CSMD1: variants seen among roughly 807,000 people sequenced by gnomAD.
CSMD1 encodes CUB and sushi domain-containing protein 1.
CSMD1 carries 213 observed loss-of-function variants against 417.5 expected under a neutral mutation model. The ratio of observed to expected loss-of-function variants is 0.51; its 90% CI spans 0.46 to 0.57. The LOEUF (loss-of-function observed/expected upper bound fraction) is 0.57, where lower values mean the gene tolerates loss of function less well. CSMD1 is among the 20% of genes least tolerant of loss of function. The pLI, the probability that CSMD1 is intolerant of heterozygous loss-of-function variation, is 0.00. For missense variants in CSMD1, 6,923 were observed against 4,529.7 expected, an observed-to-expected ratio of 1.53 and a Z score of -15.17; for synonymous variants, 2,862 against 1,736.8, an observed-to-expected ratio of 1.65 and a Z score of -16.11.
intron 26 of CSMD1, 115 bp downstream of exon 26, chr8:3,284,029 G>A: frequency 1.1e-6 from 1 of 898,458 alleles, no homozygotes; most frequent in Non-Finnish European, 1.7e-6. Context: ...TTCAAATTAG[G>A]CTCAATAAAT....
intron 2 of CSMD1, among the ~76,000 whole-genome samples, chr8:4,434,691 G>C (rs938470032): frequency 3.3e-5 from 5 of 152,140 alleles, no homozygotes; most frequent in Non-Finnish European, 7.4e-5. Flanking sequence ...AAGGAACAAA[G>C]AGTAACAAAT....
intron 2 of CSMD1, among the ~76,000 whole-genome samples, chr8:4,514,717 T>C (rs1408328371): frequency 6.6e-6 from 1 of 152,168 alleles, no homozygotes; most frequent in African/African-American, 2.4e-5. Flanking sequence ...AAATTAAACC[T>C]GCTATTAGTA....
chr8:3,289,702 G>C (rs1584937600), intron 25 of CSMD1, among the ~76,000 whole-genome samples: 1 of 147,268 alleles, frequency 6.8e-6, no homozygotes, highest in East Asian at 2.0e-4. Context: ...ATTTGTTGGA[G>C]TTCATTGTAG....
chr8:4,413,330 G>T (rs759408172), intron 3 of CSMD1, among the ~76,000 whole-genome samples: 1 of 152,090 alleles, frequency 6.6e-6, no homozygotes, highest in Non-Finnish European at 1.5e-5. Flanking sequence ...TCGTGGGGCT[G>T]CCCAAACCAA....
At chr8:3,287,334 T>G (rs1019914371) in intron 25 of CSMD1, among the ~76,000 whole-genome samples, 2 of 152,140 alleles carry the variant, frequency 1.3e-5, no homozygotes, top group East Asian at 1.9e-4. Context: ...TCTAATTCTG[T>G]GAAGAAAGTC....
chr8:4,472,555 G>A (rs938034003), intron 2 of CSMD1, among the ~76,000 whole-genome samples: 1 of 151,938 alleles, frequency 6.6e-6, no homozygotes, highest in African/African-American at 2.4e-5. Context: ...ATATTCCAAA[G>A]AATAGCTATT....
chr8:4,543,805 C>T (rs1257195414), intron 2 of CSMD1, among the ~76,000 whole-genome samples: 1 of 149,680 alleles, frequency 6.7e-6, no homozygotes, highest in Non-Finnish European at 1.5e-5. Context: ...TTGATGTCAA[C>T]ATTTTGAATT....
At chr8:3,392,804 A>C (rs1330621519) in intron 17 of CSMD1, among the ~76,000 whole-genome samples, 1 of 152,068 alleles carries the variant, frequency 6.6e-6, no homozygotes, top group Non-Finnish European at 1.5e-5. Context: ...GTAAACGGGG[A>C]CACCCTCTGA....
intron 1 of CSMD1, among the ~76,000 whole-genome samples, chr8:4,959,712 C>G (rs995729579): frequency 6.6e-6 from 1 of 152,200 alleles, no homozygotes. Flanking sequence ...TCTCAGTTCA[C>G]GGAATGTCAA....
intron 2 of CSMD1, among the ~76,000 whole-genome samples, chr8:4,449,772 G>A (rs1418756397): frequency 4.6e-5 from 7 of 152,046 alleles, no homozygotes; most frequent in Non-Finnish European, 8.8e-5. Flanking sequence ...GCAGTTGGGA[G>A]CAGCTATGTT....
At position 4,397,294 on chromosome 8, in the gene CSMD1, T is replaced by C. The variant is rs551852670; in HGVS notation, c.415+22659A>G. Among the ~76,000 whole-genome samples, 297 of 152,274 alleles carry C rather than the reference T, an allele frequency of 2.0e-3. 1 individual carries two copies. Among genetic ancestry groups the C allele is most frequent in the African/African-American group, 6.8e-3 (281 of 41,558 alleles). The stretch of plus-strand genomic sequence containing the variant: ...GAGCATTAGTTACCTAAGCAGAACA[T>C]TGTTTTCTAATTTTAAATGTATAAG... On this transcript the variant is annotated intron_variant, in intron 3 of 69. Coordinates refer to ENST00000635120, the MANE Select transcript of CSMD1 (RefSeq NM_033225.6).
At chr8:4,880,817 T>A (rs1289120424) in intron 1 of CSMD1, among the ~76,000 whole-genome samples, 2 of 152,150 alleles carry the variant, frequency 1.3e-5, no homozygotes, top group Non-Finnish European at 2.9e-5. Flanking sequence ...AAGTTTTCAC[T>A]TTTGTTGTCA....
At chr8:3,341,845 G>A (rs1312968760) in intron 23 of CSMD1, among the ~76,000 whole-genome samples, 1 of 152,072 alleles carries the variant, frequency 6.6e-6, no homozygotes, top group Non-Finnish European at 1.5e-5. Context: ...CTAGTGTAGG[G>A]GCAAGGAAGC....
At chr8:3,664,829 T>G (rs1207078366) in intron 7 of CSMD1, among the ~76,000 whole-genome samples, 2 of 152,148 alleles carry the variant, frequency 1.3e-5, no homozygotes, top group African/African-American at 4.8e-5. Flanking sequence ...TTAAAATAGC[T>G]AAAAGTTTAG....
At chr8:3,359,050 C>G in intron 21 of CSMD1, 102 bp downstream of exon 21, 1 of 1,094,606 alleles carries the variant, frequency 9.1e-7, no homozygotes, top group Non-Finnish European at 1.4e-6. Context: ...CCTCTCCTTC[C>G]TTGTCAACAA....
intron 2 of CSMD1, among the ~76,000 whole-genome samples, chr8:4,607,607 T>C (rs543516656): frequency 3.3e-5 from 5 of 152,218 alleles, no homozygotes; most frequent in Middle Eastern, 3.4e-3. Flanking sequence ...TCCGCCAACA[T>C]CATGAGAGTT....
intron 5 of CSMD1, among the ~76,000 whole-genome samples, chr8:3,949,550 T>A (rs1263225102): frequency 6.6e-6 from 1 of 152,006 alleles, no homozygotes; most frequent in East Asian, 1.9e-4. Flanking sequence ...TGTGTCTAAT[T>A]TGGGGTTATT....
chr8:3,538,060 G>A (rs1798277033), intron 10 of CSMD1, among the ~76,000 whole-genome samples: 1 of 152,142 alleles, frequency 6.6e-6, no homozygotes, highest in African/African-American at 2.4e-5. Flanking sequence ...AGAACCTGAT[G>A]GTCAATGACC....
At chr8:4,015,167 C>G (rs993749237) in intron 4 of CSMD1, among the ~76,000 whole-genome samples, 1 of 152,188 alleles carries the variant, frequency 6.6e-6, no homozygotes, top group African/African-American at 2.4e-5. Context: ...TATATAAAAA[C>G]TGTCCCATTC....
Sources: gnomAD v4.1 joint callset for allele counts (sites outside exome capture counted in the v4.1 genomes callset) on GRCh38, gnomAD v4.1.1 for gene constraint, MANE v1.5 for transcripts, NCBI Gene and HGNC (gene_info 2026-07-23, HGNC 2026-07-21) for gene names.